The following RIC1 variants were observed in gnomAD, a reference collection of about 807,000 sequenced individuals.
The protein encoded by RIC1 is guanine nucleotide exchange factor subunit RIC1.
A neutral mutation model predicts 169.0 loss-of-function variants in RIC1; 88 were observed. The ratio of observed to expected loss-of-function variants is 0.52; its 90% CI spans 0.44 to 0.62. RIC1 has a LOEUF of 0.62. RIC1 is among the 20% of genes least tolerant of loss of function. RIC1 has a pLI of 0.00. For missense variants in RIC1, 1,877 were observed against 1,725.5 expected, an observed-to-expected ratio of 1.09 and a Z score of -1.56; for synonymous variants, 790 against 601.5, an observed-to-expected ratio of 1.31 and a Z score of -4.59.
intron 2 of RIC1, among the ~76,000 whole-genome samples, chr9:5,679,525 C>G (rs980887410): frequency 3.3e-4 from 50 of 152,076 alleles, no homozygotes; most frequent in African/African-American, 8.4e-4. Flanking sequence ...TTGGGCAGTG[C>G]TTTGTAGTTC....
At chr9:5,750,510 G>A (rs1391136375) in intron 12 of RIC1, among the ~76,000 whole-genome samples, 2 of 151,754 alleles carry the variant, frequency 1.3e-5, no homozygotes, top group Admixed American at 1.3e-4. Context: ...CAGGTATTTG[G>A]CACAGAACAA....
At chr9:5,722,717 C>G (rs1449121166) in intron 6 of RIC1, among the ~76,000 whole-genome samples, 1 of 152,130 alleles carries the variant, frequency 6.6e-6, no homozygotes, top group Non-Finnish European at 1.5e-5. Context: ...CTCGCCCCAC[C>G]CCACGACAGG....
intron 10 of RIC1, among the ~76,000 whole-genome samples, chr9:5,744,629 G>T (rs1026039055): frequency 3.9e-5 from 6 of 152,034 alleles, no homozygotes; most frequent in Admixed American, 2.0e-4. Flanking sequence ...TAATAATTTT[G>T]TACATAAAAC....
chr9:5,704,714 GT>G (rs1453936552), intron 3 of RIC1, among the ~76,000 whole-genome samples: 2 of 151,826 alleles, frequency 1.3e-5, no homozygotes, highest in African/African-American at 4.8e-5. Flanking sequence ...GTTCCTTACA[GT>G]TTTTTTATAT....
intron 6 of RIC1, among the ~76,000 whole-genome samples, chr9:5,727,277 C>G (rs534513744): frequency 2.6e-5 from 4 of 152,208 alleles, no homozygotes; most frequent in African/African-American, 9.6e-5. Context: ...TTTCTCTAAA[C>G]TTCTCTTCTC....
intron 3 of RIC1, among the ~76,000 whole-genome samples, chr9:5,710,497 A>G (rs568292103): frequency 5.3e-5 from 8 of 152,300 alleles, no homozygotes; most frequent in East Asian, 3.9e-4. Flanking sequence ...GAAGACCTCA[A>G]AAAAGTGCTG....
chr9:5,745,163 C>G (rs903333298), intron 10 of RIC1, among the ~76,000 whole-genome samples: 1 of 152,156 alleles, frequency 6.6e-6, no homozygotes, highest in Non-Finnish European at 1.5e-5. Context: ...TAACCACAAA[C>G]TAAGAATCTA....
At chr9:5,764,261 C>G (rs1826533373) in intron 19 of RIC1, among the ~76,000 whole-genome samples, 1 of 152,154 alleles carries the variant, frequency 6.6e-6, no homozygotes, top group South Asian at 2.1e-4. Context: ...GTTTGAGCTT[C>G]TCACAACAGT....
chr9:5,700,387 C>G (rs944293882), intron 3 of RIC1, among the ~76,000 whole-genome samples: 1 of 152,022 alleles, frequency 6.6e-6, no homozygotes, highest in East Asian at 1.9e-4. Context: ...AGTAAAAAAT[C>G]TGAATATTTA....
intron 1 of RIC1, among the ~76,000 whole-genome samples, chr9:5,647,122 T>C (rs552514512): frequency 7.6e-4 from 115 of 152,310 alleles, no homozygotes; most frequent in African/African-American, 2.6e-3. Context: ...AATTTGACTA[T>C]TTATGCAAGA....
chr9:5,665,893 A>G (rs948947499), intron 2 of RIC1, among the ~76,000 whole-genome samples: 3 of 152,080 alleles, frequency 2.0e-5, no homozygotes, highest in Admixed American at 1.3e-4. Flanking sequence ...CTGTTGGGAG[A>G]TGTCACCCAG....
At chr9:5,708,403 AT>A (rs1822729288) in intron 3 of RIC1, among the ~76,000 whole-genome samples, 1 of 152,000 alleles carries the variant, frequency 6.6e-6, no homozygotes, top group Non-Finnish European at 1.5e-5. Context: ...GGTTTGAGTT[AT>A]TGCCTCTTGT....
At chr9:5,706,066 T>C (rs890602207) in intron 3 of RIC1, among the ~76,000 whole-genome samples, 1 of 152,220 alleles carries the variant, frequency 6.6e-6, no homozygotes, top group African/African-American at 2.4e-5. Flanking sequence ...GTTCAGGATT[T>C]TTTTTACATC....
intron 17 of RIC1, among the ~76,000 whole-genome samples, chr9:5,761,405 C>T (rs1001195065): frequency 3.9e-5 from 6 of 152,142 alleles, no homozygotes; most frequent in South Asian, 2.1e-4. Flanking sequence ...TGAGCCACTG[C>T]GCCCAGCCTG....
intron 3 of RIC1, among the ~76,000 whole-genome samples, chr9:5,710,480 A>C (rs140131885): frequency 6.6e-6 from 1 of 152,308 alleles, no homozygotes; most frequent in Admixed American, 6.5e-5. Context: ...AACAGGTACT[A>C]GTATTTGAAG....
At chr9:5,751,528 G>A (rs1044082081) in intron 12 of RIC1, among the ~76,000 whole-genome samples, 1 of 151,714 alleles carries the variant, frequency 6.6e-6, no homozygotes, top group African/African-American at 2.4e-5. Flanking sequence ...GCTAATTTTT[G>A]TATTTTTAGT....
intron 1 of RIC1, among the ~76,000 whole-genome samples, chr9:5,655,726 C>T (rs151041494): frequency 2.2e-4 from 34 of 152,008 alleles, no homozygotes; most frequent in African/African-American, 7.0e-4. Context: ...TTTTGAATGC[C>T]GAACCAGGCT....
intron 1 of RIC1, among the ~76,000 whole-genome samples, chr9:5,642,143 G>A (rs896331569): frequency 6.9e-6 from 1 of 145,268 alleles, no homozygotes; most frequent in Non-Finnish European, 1.5e-5. Context: ...AGACTCAGAG[G>A]TACTGCCTTG....
chr9:5,705,486 C>T lies in RIC1; in HGVS notation c.333-8410C>T, dbSNP rs190214210. Among the ~76,000 whole-genome samples, 54 of 152,158 alleles carry T rather than the reference C, an allele frequency of 3.5e-4. No individual in the cohort carries two copies. In the East Asian group the frequency reaches 9.9e-3, roughly 28 times the overall value. On this transcript the variant is annotated intron_variant, in intron 3 of 25. Transcript: ENST00000414202. ...AAATATATACGATTTCTGTGTTGAT[C>T]ATGTACTACAGCTTTGATGAATTTA...
Sources: allele counts gnomAD v4.1 joint callset (sites outside exome capture counted in the v4.1 genomes callset), GRCh38; gene constraint gnomAD v4.1.1; transcripts MANE v1.5; gene names NCBI Gene and HGNC (gene_info 2026-07-23, HGNC 2026-07-21).